KANK1: variants seen among roughly 807,000 people sequenced by gnomAD.
KANK1 encodes KN motif and ankyrin repeat domains 1, also known as KN motif and ankyrin repeat domain-containing protein 1.
KANK1 carries 109 observed loss-of-function variants against 106.2 expected under a neutral mutation model. That is an observed-to-expected ratio of 1.03 (90% CI 0.88 to 1.20). The LOEUF (loss-of-function observed/expected upper bound fraction) is 1.20. Ranked by LOEUF, KANK1 falls within the 50% of genes most tolerant of loss-of-function variation. The pLI, the probability that KANK1 is intolerant of heterozygous loss-of-function variation, is 0.00. For synonymous variants in KANK1, 873 were observed against 652.2 expected (o/e 1.34, Z -5.16); for missense variants, 2,399 against 1,710.7 (o/e 1.40, Z -7.10).
chr9:712,455 G>T lies in KANK1; in HGVS notation c.1689G>T (p.Glu563Asp). ...GTAAGAATAAAGTCGTAGGGCCTGAGCTGCCTATGAATTGGTGGATTGTTA... is the reference window on the plus strand; with the variant it reads ...GTAAGAATAAAGTCGTAGGGCCTGATCTGCCTATGAATTGGTGGATTGTTA... ...PECKNKVVGP[E>D]LPMNWWIVKE... The change falls in exon 3 of 12, where the codon GAG becomes GAT. Residue 563 changes from glutamate to aspartate, a missense_variant. Coordinates refer to ENST00000382297, the MANE Select transcript of KANK1 (RefSeq NM_015158.5). 6.2e-7 allele frequency: 1 copy of T among 1,614,168 alleles called. No homozygotes were observed. Among genetic ancestry groups the T allele is most frequent in the Non-Finnish European group, 8.5e-7 (1 of 1,180,030 alleles).
At chr9:499,326 A>T (rs1286466931) in intron 3 of KANK1, among the ~76,000 whole-genome samples, 1 of 152,212 alleles carries the variant, frequency 6.6e-6, no homozygotes, top group African/African-American at 2.4e-5. Context: ...CCCAAAGTGG[A>T]ACAACCTCAG....
chr9:730,473 T>G lies in KANK1; in HGVS notation c.2896+225T>G, dbSNP rs10815555. 29,833 of 512,818 alleles carry G rather than the reference T, an allele frequency of 0.058. 4,514 individuals are homozygous for G. The highest frequency in any genetic ancestry group is 0.38 in the African/African-American group (19,501 of 51,732). The allele number at this position is 512,818 out of a possible 1,614,324, so 31.8% of individuals were successfully genotyped here. ...TTGGGAGGCCAAGGCAGGCAGATCA[T>G]TTGAGGCCAGGAGTTCGAGACCAGC... is the stretch of plus-strand genomic sequence containing the variant. On this transcript the variant is annotated intron_variant, in intron 4 of 11. Coordinates refer to ENST00000382297, the MANE Select transcript of KANK1 (RefSeq NM_015158.5).
At chr9:482,300 A>G (rs952439603) in intron 3 of KANK1, among the ~76,000 whole-genome samples, 11 of 152,350 alleles carry the variant, frequency 7.2e-5, no homozygotes, top group African/African-American at 2.4e-4. Context: ...TAAGCACTTA[A>G]TGGTCAGAAG....
Position 619,029 on chromosome 9 carries a change from T to C in KANK1, c.-83-57861T>C, listed in dbSNP as rs115464057. Among the ~76,000 whole-genome samples, 145 of 152,332 alleles carry C rather than the reference T, an allele frequency of 9.5e-4. 2 individuals carry two copies. The highest frequency in any genetic ancestry group is 3.3e-3 in the African/African-American group (138 of 41,564). On this transcript the variant is annotated intron_variant, in intron 1 of 11. Coordinates refer to ENST00000382297, the MANE Select transcript of KANK1 (RefSeq NM_015158.5). ...ACTCTACATTTTATGAACTTAAATT[T>C]AGTGTCTGTTGGTCAAAATCCACAG...
intron 1 of KANK1, among the ~76,000 whole-genome samples, chr9:628,519 C>T (rs58845489): frequency 6.6e-6 from 1 of 152,184 alleles, no homozygotes; most frequent in Non-Finnish European, 1.5e-5. Context: ...GTGTCTGCCT[C>T]TGCTCGTCAC....
chr9:709,358 G>C (rs1374469978), intron 2 of KANK1, among the ~76,000 whole-genome samples: 1 of 152,176 alleles, frequency 6.6e-6, no homozygotes, highest in African/African-American at 2.4e-5. Context: ...TAAGCCCATG[G>C]AGGTAGTCAG....
chr9:560,748 G>T (rs981810666), intron 1 of KANK1, among the ~76,000 whole-genome samples: 3 of 151,390 alleles, frequency 2.0e-5, no homozygotes, highest in Admixed American at 6.6e-5. Context: ...TGGGAGGGAA[G>T]CTAACCAACT....
At chr9:706,498 T>C (rs746428304) in intron 2 of KANK1, among the ~76,000 whole-genome samples, 2 of 151,766 alleles carry the variant, frequency 1.3e-5, no homozygotes, top group African/African-American at 2.4e-5. Context: ...CACCAAAATA[T>C]TAACGCTTGC....
At chr9:622,652 C>T (rs1294326892) in intron 1 of KANK1, among the ~76,000 whole-genome samples, 2 of 151,952 alleles carry the variant, frequency 1.3e-5, no homozygotes, top group Non-Finnish European at 2.9e-5. Flanking sequence ...GCCTGTAATC[C>T]CAGCACTTTG....
intron 3 of KANK1, among the ~76,000 whole-genome samples, chr9:488,619 G>T (rs533663490): frequency 6.6e-6 from 1 of 152,122 alleles, no homozygotes; most frequent in South Asian, 2.1e-4. Flanking sequence ...AGGGTTACTG[G>T]GGGAATGAAT....
At chr9:737,187 T>C (rs578169808) in intron 7 of KANK1, among the ~76,000 whole-genome samples, 1 of 152,196 alleles carries the variant, frequency 6.6e-6, no homozygotes, top group East Asian at 1.9e-4. Context: ...TCTTTCAGTG[T>C]GACAACTCCA....
intron 3 of KANK1, among the ~76,000 whole-genome samples, chr9:721,365 A>C (rs1266257951): frequency 1.3e-5 from 2 of 152,204 alleles, no homozygotes; most frequent in Non-Finnish European, 2.9e-5. Flanking sequence ...AGGTTTGTAA[A>C]AGGTCTAATT....
intron 3 of KANK1, among the ~76,000 whole-genome samples, chr9:722,790 C>T (rs1302295374): frequency 1.3e-5 from 2 of 152,172 alleles, no homozygotes; most frequent in Non-Finnish European, 2.9e-5. Context: ...GGTTGAATTA[C>T]ATGGACACTT....
chr9:719,233 C>G (rs750741327), intron 3 of KANK1, among the ~76,000 whole-genome samples: 2 of 152,124 alleles, frequency 1.3e-5, no homozygotes, highest in Non-Finnish European at 2.9e-5. Context: ...TCCCAAAGTG[C>G]TGGGATTACA....
intron 1 of KANK1, among the ~76,000 whole-genome samples, chr9:661,713 A>G (rs1197271345): frequency 6.6e-6 from 1 of 152,148 alleles, no homozygotes; most frequent in Non-Finnish European, 1.5e-5. Flanking sequence ...GTCTTTTACA[A>G]TGGTTGAACT....
At chr9:512,952 A>G (rs1245627959) in intron 1 of KANK1, among the ~76,000 whole-genome samples, 2 of 152,206 alleles carry the variant, frequency 1.3e-5, no homozygotes, top group Non-Finnish European at 2.9e-5. Flanking sequence ...AAAATAAAGC[A>G]GTCCATTCTT....
At chr9:687,900 T>C (rs1018931836) in intron 2 of KANK1, among the ~76,000 whole-genome samples, 2 of 152,250 alleles carry the variant, frequency 1.3e-5, no homozygotes, top group African/African-American at 4.8e-5. Flanking sequence ...GCAAGAATCA[T>C]GTCATCTTCT....
intron 1 of KANK1, among the ~76,000 whole-genome samples, chr9:537,181 T>C (rs2060344972): frequency 1.3e-5 from 2 of 152,304 alleles, no homozygotes; most frequent in Middle Eastern, 3.4e-3. Context: ...CTTTTTCCTT[T>C]GAAAACAAAG....
chr9:667,115 G>T (rs10975659), intron 1 of KANK1, among the ~76,000 whole-genome samples: 36,740 of 150,896 alleles, frequency 0.24, 5,715 homozygotes, highest in South Asian at 0.44. Flanking sequence ...TTATAGCTTT[G>T]ATCTTATTAC....
Sources: allele counts gnomAD v4.1 joint callset (sites outside exome capture counted in the v4.1 genomes callset), GRCh38; gene constraint gnomAD v4.1.1; transcripts MANE v1.5; gene names NCBI Gene and HGNC (gene_info 2026-07-23, HGNC 2026-07-21).